GDA: variants seen among roughly 807,000 people sequenced by gnomAD.
GDA encodes the protein cytoplasmic PSD-95 interactor.
A neutral mutation model predicts 59.6 loss-of-function variants in GDA; 18 were observed. The ratio of observed to expected loss-of-function variants is 0.30; its 90% CI spans 0.21 to 0.45. The LOEUF is 0.45. GDA is among the 20% of genes least tolerant of loss of function. The pLI is 1.00. For synonymous variants in GDA, 201 were observed against 201.1 expected, an observed-to-expected ratio of 1.00 and a Z score of 0.00; for missense variants, 427 against 552.3, an observed-to-expected ratio of 0.77 and a Z score of 2.27.
downstream of GDA, chr9:72,253,133 G>A (rs931945193): frequency 3.9e-5 from 6 of 152,156 alleles, no homozygotes; most frequent in Non-Finnish European, 7.3e-5. Context: ...CATAAAGACA[G>A]TAGTAGATTA....
chr9:72,215,430 G>A (rs938367460), intron 5 of GDA, among the ~76,000 whole-genome samples: 5 of 151,960 alleles, frequency 3.3e-5, no homozygotes, highest in South Asian at 4.2e-4. Flanking sequence ...CTACTATTTC[G>A]TCCTACCTTG....
chr9:72,253,816 G>C (rs1840823756), downstream of GDA, among the ~76,000 whole-genome samples: 1 of 152,004 alleles, frequency 6.6e-6, no homozygotes, highest in South Asian at 2.1e-4. Context: ...ATTATTGCAT[G>C]GTACTAAATT....
chr9:72,168,346 T>C (rs936479165), intron 1 of GDA, among the ~76,000 whole-genome samples: 1 of 151,358 alleles, frequency 6.6e-6, no homozygotes, highest in Non-Finnish European at 1.5e-5. Flanking sequence ...TGAATTGTGA[T>C]TGCACCACTG....
Position 72,157,596 on chromosome 9 carries a change from T to G in GDA, c.123+7914T>G, listed in dbSNP as rs1267406440. ...TCACTTCCATTGCCCCCATCTACCC[T>G]TTAGTGTCTCTGAGCTAAAATATAA... is the stretch of plus-strand genomic sequence containing the variant. On this transcript the variant is annotated intron_variant, in intron 1 of 13. Transcript: ENST00000358399. 2.0e-5 allele frequency among the ~76,000 whole-genome samples: 3 copies of G among 152,352 alleles called. No individual in the cohort carries two copies. The East Asian group carries it at 5.8e-4, about 29-fold the overall frequency.
Position 72,249,173 on chromosome 9 carries a change from G to A in GDA, c.*831G>A. ...TGTTATTGCTTCCATTTTATTAGAA[G>A]AGAAACAAATTCCATGCTTTATGGA... On this transcript the variant is annotated 3_prime_UTR_variant, in exon 14 of 14. Transcript: ENST00000358399. 1 of 983,538 alleles carries A rather than the reference G, an allele frequency of 1.0e-6. No homozygotes were observed. The highest frequency in any genetic ancestry group is 1.2e-6 in the Non-Finnish European group (1 of 828,208). The allele number at this position is 983,538 out of a possible 1,614,324, so 60.9% of individuals were successfully genotyped here.
intron 3 of GDA, among the ~76,000 whole-genome samples, chr9:72,203,086 A>T (rs1834213234): frequency 6.6e-6 from 1 of 152,104 alleles, no homozygotes; most frequent in South Asian, 2.1e-4. Flanking sequence ...GACCATATGG[A>T]TTCATTATGT....
upstream of GDA, among the ~76,000 whole-genome samples, chr9:72,148,309 ATGTGTGTGTGTG>A (rs58161772): frequency 0.034 from 4,957 of 145,800 alleles, 94 homozygotes; most frequent in African/African-American, 0.049. Flanking sequence ...TGGTGTGTGT[ATGTGTGTGTGTG>A]TGTGTGTGTG....
At chr9:72,244,576 A>G (rs937616042) in intron 11 of GDA, among the ~76,000 whole-genome samples, 5 of 152,192 alleles carry the variant, frequency 3.3e-5, no homozygotes, top group African/African-American at 1.2e-4. Flanking sequence ...CATTTTGAGA[A>G]GTGAGGTTTT....
In GDA at chr9:72,154,907, C is replaced by T. The variant is rs74489724; in HGVS notation, c.123+5225C>T. 1.7e-3 allele frequency among the ~76,000 whole-genome samples: 256 copies of T among 152,166 alleles called. 4 individuals are homozygous for T. Among genetic ancestry groups the T allele is most frequent in the African/African-American group, 5.8e-3 (240 of 41,496 alleles). ...CTGAGCCAAACACTGGGGTTTTCAC[C>T]GGAGATAAATTGATGAACAAAGTAT... On this transcript the variant is annotated intron_variant, in intron 1 of 13. Transcript: ENST00000358399.
At chr9:72,169,637 ACTCTCAAATTGCT>A (rs1829729403) in intron 1 of GDA, among the ~76,000 whole-genome samples, 2 of 152,080 alleles carry the variant, frequency 1.3e-5, no homozygotes, top group South Asian at 4.1e-4. Context: ...TCCTGGTGCG[ACTCTCAAATTGCT>A]CTCTCAAATT....
intron 1 of GDA, among the ~76,000 whole-genome samples, chr9:72,164,017 A>G (rs1473073397): frequency 6.6e-6 from 1 of 152,178 alleles, no homozygotes; most frequent in African/African-American, 2.4e-5. Flanking sequence ...TCACATAGGG[A>G]AGAGAAGAAG....
intron 1 of GDA, among the ~76,000 whole-genome samples, chr9:72,135,447 A>G (rs558813032): frequency 6.6e-6 from 1 of 152,276 alleles, no homozygotes; most frequent in East Asian, 1.9e-4. Flanking sequence ...ACATGACAAG[A>G]TCACATAGTC....
intron 1 of GDA, among the ~76,000 whole-genome samples, chr9:72,179,939 T>C (rs567135422): frequency 6.6e-6 from 1 of 151,656 alleles, no homozygotes; most frequent in African/African-American, 2.4e-5. Context: ...TCTGTAAAGA[T>C]GTTATCTCTA....
chr9:72,180,037 A>G (rs1217014363), intron 1 of GDA, among the ~76,000 whole-genome samples: 1 of 152,058 alleles, frequency 6.6e-6, no homozygotes, highest in South Asian at 2.1e-4. Context: ...AACTCATACC[A>G]GGTCTTCAAG....
intron 2 of GDA, among the ~76,000 whole-genome samples, chr9:72,200,616 A>C (rs72727226): frequency 0.075 from 11,474 of 152,200 alleles, 592 homozygotes; most frequent in Middle Eastern, 0.12. Flanking sequence ...TTATTTGGTT[A>C]AACAATTTAA....
At position 72,227,524 on chromosome 9, in the gene GDA, T is replaced by G. The variant is rs180937732; in HGVS notation, c.823-419T>G. Among the ~76,000 whole-genome samples the G allele has an allele frequency of 5.3e-5, 8 of 152,294 alleles. No homozygotes were observed. In the East Asian group the frequency reaches 1.5e-3, roughly 29 times the overall value. On this transcript the variant is annotated intron_variant, in intron 8 of 13. Transcript: ENST00000358399. Reference sequence around the variant, plus strand: ...AAGGGACTTTTAGTTCTAGAAAGTTTTTTTAGAATTGGAGCAAGCACAACA... The same window carrying G: ...AAGGGACTTTTAGTTCTAGAAAGTTGTTTTAGAATTGGAGCAAGCACAACA...
intron 1 of GDA, among the ~76,000 whole-genome samples, chr9:72,189,014 G>A (rs1020485635): frequency 5.9e-5 from 9 of 151,836 alleles, no homozygotes; most frequent in African/African-American, 1.7e-4. Context: ...TTTCCCTTTT[G>A]GTCCAGGACT....
chr9:72,242,662 A>G (rs1257526027), intron 11 of GDA, among the ~76,000 whole-genome samples: 2 of 152,156 alleles, frequency 1.3e-5, no homozygotes, highest in East Asian at 1.9e-4. Flanking sequence ...AGCAAATACA[A>G]TGTTGTTTTT....
At chr9:72,118,505 A>G (rs2130563583) in intron 1 of GDA, among the ~76,000 whole-genome samples, 1 of 152,110 alleles carries the variant, frequency 6.6e-6, no homozygotes, top group East Asian at 1.9e-4. Flanking sequence ...GATTATTTCA[A>G]CTCTATCTCT....
Sources: allele counts gnomAD v4.1 joint callset (sites outside exome capture counted in the v4.1 genomes callset), GRCh38; gene constraint gnomAD v4.1.1; transcripts MANE v1.5; gene names NCBI Gene and HGNC (gene_info 2026-07-23, HGNC 2026-07-21).